Variants in SUGCT observed in about 807,000 individuals in gnomAD.
SUGCT encodes succinyl-CoA:glutarate CoA-transferase.
A neutral mutation model predicts 55.0 loss-of-function variants in SUGCT; 41 were observed. That is an observed-to-expected ratio of 0.74 (90% confidence interval 0.58 to 0.97). The LOEUF (loss-of-function observed/expected upper bound fraction) is 0.97. Among genes scored for constraint, SUGCT ranks in the 50% least tolerant of loss-of-function variants. The pLI is 0.00. For missense variants in SUGCT, 568 were observed against 547.8 expected, an observed-to-expected ratio of 1.04 and a Z score of -0.37; for synonymous variants, 187 against 200.4, an observed-to-expected ratio of 0.93 and a Z score of 0.56.
At chr7:40,807,361 G>T (rs527964125) in intron 13 of SUGCT, among the ~76,000 whole-genome samples, 2 of 152,266 alleles carry the variant, frequency 1.3e-5, no homozygotes, top group African/African-American at 4.8e-5. Flanking sequence ...TTGACGTGAG[G>T]TCTCACAGGA....
At chr7:40,532,815 C>T (rs1794168913) in intron 12 of SUGCT, among the ~76,000 whole-genome samples, 1 of 151,962 alleles carries the variant, frequency 6.6e-6, no homozygotes, top group Admixed American at 6.6e-5. Flanking sequence ...AGCTTTAGGA[C>T]CTGTAAATTA....
intron 12 of SUGCT, among the ~76,000 whole-genome samples, chr7:40,629,152 C>T (rs1399626231): frequency 3.9e-5 from 6 of 152,242 alleles, no homozygotes; most frequent in Non-Finnish European, 7.4e-5. Context: ...AGTATTTCAG[C>T]GCAGTTCATG....
the SUGCT span, among the ~76,000 whole-genome samples, chr7:40,889,084 G>A: frequency 6.6e-6 from 1 of 152,222 alleles, no homozygotes; most frequent in Non-Finnish European, 1.5e-5. Context: ...TGATGAATGG[G>A]GCAGGAGGGT....
chr7:40,286,480 C>A (rs1177256475), intron 8 of SUGCT, among the ~76,000 whole-genome samples: 1 of 152,098 alleles, frequency 6.6e-6, no homozygotes, highest in African/African-American at 2.4e-5. Context: ...TTCCCCTTAC[C>A]ATGTAAGGTG....
intron 8 of SUGCT, among the ~76,000 whole-genome samples, chr7:40,310,738 A>G (rs960543689): frequency 4.6e-5 from 7 of 152,184 alleles, no homozygotes; most frequent in African/African-American, 1.4e-4. Flanking sequence ...TTAAGTGCCT[A>G]TTTATCTTCT....
intron 12 of SUGCT, among the ~76,000 whole-genome samples, chr7:40,658,732 G>C (rs1450993013): frequency 1.3e-5 from 2 of 152,166 alleles, no homozygotes; most frequent in Non-Finnish European, 2.9e-5. Flanking sequence ...CTTTCTCACA[G>C]AGAGGCTGTT....
At chr7:40,924,911 T>C in the SUGCT span, among the ~76,000 whole-genome samples, 9 of 152,344 alleles carry the variant, frequency 5.9e-5, no homozygotes, top group Admixed American at 2.0e-4. Flanking sequence ...AGCACATTTA[T>C]TTTTATGCTA....
chr7:40,235,261 G>T (rs1462946269), intron 6 of SUGCT, among the ~76,000 whole-genome samples: 1 of 151,928 alleles, frequency 6.6e-6, no homozygotes, highest in African/African-American at 2.4e-5. Flanking sequence ...TAGATTAATT[G>T]GTGATTATCA....
At chr7:40,446,596 A>G (rs1253863474) in intron 9 of SUGCT, among the ~76,000 whole-genome samples, 2 of 152,204 alleles carry the variant, frequency 1.3e-5, no homozygotes, top group South Asian at 2.1e-4. Flanking sequence ...TCAAGCAACA[A>G]TGTAAATAGA....
At chr7:40,742,674 C>T (rs551728378) in intron 12 of SUGCT, among the ~76,000 whole-genome samples, 2 of 150,922 alleles carry the variant, frequency 1.3e-5, no homozygotes, top group African/African-American at 2.4e-5. Context: ...ACCATGGTAC[C>T]GGTTTGCGGA....
chr7:40,971,306 C>T, the SUGCT span, among the ~76,000 whole-genome samples: 1 of 152,254 alleles, frequency 6.6e-6, no homozygotes, highest in South Asian at 2.1e-4. Flanking sequence ...CCCCCATGAT[C>T]CCATCACCTC....
the SUGCT span, among the ~76,000 whole-genome samples, chr7:40,960,113 C>A: frequency 6.6e-6 from 1 of 152,136 alleles, no homozygotes; most frequent in Non-Finnish European, 1.5e-5. Flanking sequence ...GGAGCTATTC[C>A]CATTTGGCCA....
At chr7:41,003,978 A>G in the SUGCT span, among the ~76,000 whole-genome samples, 1 of 152,198 alleles carries the variant, frequency 6.6e-6, no homozygotes, top group African/African-American at 2.4e-5. Flanking sequence ...GTTAAAATAA[A>G]AATCCATCCC....
chr7:40,372,176 A>T (rs1010792582), intron 9 of SUGCT, among the ~76,000 whole-genome samples: 2 of 151,864 alleles, frequency 1.3e-5, no homozygotes, highest in Non-Finnish European at 2.9e-5. Context: ...CCAGTAATGG[A>T]ATAAGAGTTG....
chr7:40,453,469 C>T (rs780872217), intron 10 of SUGCT, among the ~76,000 whole-genome samples: 3 of 152,188 alleles, frequency 2.0e-5, no homozygotes, highest in Non-Finnish European at 4.4e-5. Context: ...TGCATATGCA[C>T]TAATTTGATC....
At chr7:40,702,344 C>G (rs1217595472) in intron 12 of SUGCT, among the ~76,000 whole-genome samples, 1 of 152,200 alleles carries the variant, frequency 6.6e-6, no homozygotes, top group African/African-American at 2.4e-5. Flanking sequence ...GTGAAAGAAA[C>G]TTGGCACTGT....
At position 40,565,985 on chromosome 7, in the gene SUGCT, ACACACACG is replaced by A. The variant is rs1260076217; in HGVS notation, c.1089+69607_1089+69614del. Among the ~76,000 whole-genome samples the A allele has an allele frequency of 8.9e-4, 85 of 95,312 alleles. 1 individual carries two copies. Among genetic ancestry groups the A allele is most frequent in the African/African-American group, 4.1e-3 (81 of 19,644 alleles). 62.5% of individuals were successfully genotyped at this position (95,312 alleles called of 152,430 possible). A position where few individuals can be genotyped will look rare whatever the true frequency, so the allele number is the denominator to read the frequency against. ...TGGCATATCACACACACACACACAC[ACACACACG>A]CACACACACACACACACACACACAC... On this transcript the variant is annotated intron_variant, in intron 12 of 13. Transcript: ENST00000335693.
At chr7:40,632,010 G>A (rs1034609671) in intron 12 of SUGCT, among the ~76,000 whole-genome samples, 14 of 152,146 alleles carry the variant, frequency 9.2e-5, no homozygotes, top group Non-Finnish European at 1.5e-4. Flanking sequence ...AAGCCAGAGA[G>A]CCCTCTCTAA....
chr7:40,509,378 A>G (rs1792798708), intron 12 of SUGCT, among the ~76,000 whole-genome samples: 1 of 152,092 alleles, frequency 6.6e-6, no homozygotes, highest in African/African-American at 2.4e-5. Flanking sequence ...GAGATCACAA[A>G]GGGAAAAAGA....
Sources: gnomAD v4.1 joint callset for allele counts (sites outside exome capture counted in the v4.1 genomes callset) on GRCh38, gnomAD v4.1.1 for gene constraint, MANE v1.5 for transcripts, NCBI Gene and HGNC (gene_info 2026-07-23, HGNC 2026-07-21) for gene names.